TENM2: variants seen among roughly 807,000 people sequenced by gnomAD.
TENM2 encodes the protein teneurin-2.
A neutral mutation model predicts 245.2 loss-of-function variants in TENM2; 52 were observed. The observed-to-expected ratio is 0.21, with a 90% CI of 0.17 to 0.27. TENM2 has a LOEUF of 0.27. TENM2 is among the 10% of genes least tolerant of loss of function. The pLI is 1.00. For missense variants in TENM2, 3,046 were observed against 3,666.8 expected (o/e 0.83, Z 4.37); for synonymous variants, 1,363 against 1,438.9 (o/e 0.95, Z 1.19).
At chr5:168,190,798 C>A (rs192707823) in intron 14 of TENM2, 19 of 356,784 alleles carry the variant, frequency 5.3e-5, no homozygotes, top group Non-Finnish European at 8.5e-5. Context: ...CCTGTTGATT[C>A]CCTGGTTTTT....
chr5:167,584,649 C>G (rs936302654), intron 2 of TENM2, among the ~76,000 whole-genome samples: 4 of 152,032 alleles, frequency 2.6e-5, no homozygotes, highest in Non-Finnish European at 5.9e-5. Flanking sequence ...GATTCCCTAC[C>G]CCTCCAGACC....
intron 2 of TENM2, among the ~76,000 whole-genome samples, chr5:167,633,599 G>C (rs1779009856): frequency 6.6e-6 from 1 of 152,108 alleles, no homozygotes; most frequent in African/African-American, 2.4e-5. Flanking sequence ...TTAGCTTAAG[G>C]GATCTTTCTA....
In TENM2 at chr5:167,790,772, T is replaced by C. The variant is rs1764901122; in HGVS notation, c.503-85214T>C. ...ACTCCTTTCTCTAACCTTCTCCGCA[T>C]AGGATCCCTGCAAAGACCTTTGCCC... is the stretch of plus-strand genomic sequence containing the variant. On this transcript the variant is annotated intron_variant, in intron 2 of 28. Transcript: ENST00000518659. 3.3e-5 allele frequency among the ~76,000 whole-genome samples: 5 copies of C among 152,186 alleles called. No individual in the cohort carries two copies. In the South Asian group the frequency reaches 1.0e-3, roughly 31 times the overall value.
the TENM2 span, among the ~76,000 whole-genome samples, chr5:167,093,972 T>C: frequency 6.6e-6 from 1 of 152,188 alleles, no homozygotes. Flanking sequence ...CTCCGCCATC[T>C]TTCTAGGAGT....
intron 2 of TENM2, among the ~76,000 whole-genome samples, chr5:167,488,988 A>G (rs1768261359): frequency 6.6e-6 from 1 of 152,012 alleles, no homozygotes; most frequent in South Asian, 2.1e-4. Context: ...TCTCTCCGTT[A>G]TTATGTTTTA....
In TENM2 at chr5:168,173,409, C is replaced by T. The variant is rs1759034688; in HGVS notation, c.2569+10652C>T. On this transcript the variant is annotated intron_variant, in intron 13 of 28. Coordinates refer to ENST00000518659, the Ensembl canonical transcript of TENM2. ...GGGTGCCTGCCACTACTGGTTGGAG[C>T]CAAGATCTATTTCAGACCTGGGACC... Among the ~76,000 whole-genome samples the T allele has an allele frequency of 2.0e-5, 3 of 152,250 alleles. No homozygotes were observed. In the South Asian group the frequency reaches 6.2e-4, roughly 32 times the overall value.
At chr5:167,221,656 A>T in the TENM2 span, among the ~76,000 whole-genome samples, 1 of 152,228 alleles carries the variant, frequency 6.6e-6, no homozygotes, top group African/African-American at 2.4e-5. Flanking sequence ...TTTAGCAAGG[A>T]TGCTAAGCAA....
chr5:167,542,556 C>T (rs986214449), intron 2 of TENM2, among the ~76,000 whole-genome samples: 2 of 152,096 alleles, frequency 1.3e-5, no homozygotes, highest in Non-Finnish European at 2.9e-5. Flanking sequence ...TCGTATCTAC[C>T]TTTAAATGTG....
chr5:168,012,508 T>A (rs1230647062), intron 5 of TENM2, among the ~76,000 whole-genome samples: 2 of 151,384 alleles, frequency 1.3e-5, no homozygotes, highest in East Asian at 1.9e-4. Flanking sequence ...ATTAGCCAGG[T>A]GTGGTGGTGC....
intron 2 of TENM2, among the ~76,000 whole-genome samples, chr5:167,391,099 A>C (rs532383147): frequency 3.3e-5 from 5 of 152,240 alleles, no homozygotes; most frequent in Admixed American, 3.3e-4. Flanking sequence ...ATTATCAAAG[A>C]ATTATCTAAG....
At chr5:168,195,066 G>A (rs1761291566) in intron 14 of TENM2, 110 bp from the exon 17 acceptor site, 1 of 1,284,682 alleles carries the variant, frequency 7.8e-7, no homozygotes, top group Non-Finnish European at 1.1e-6. Context: ...AATGTTGAAA[G>A]CCTTCTCCTT....
chr5:167,400,526 C>G (rs1762303256), intron 2 of TENM2, among the ~76,000 whole-genome samples: 1 of 151,988 alleles, frequency 6.6e-6, no homozygotes, highest in African/African-American at 2.4e-5. Context: ...GAAATAGGCA[C>G]TTGGAAATGT....
chr5:167,042,449 C>G, the TENM2 span, among the ~76,000 whole-genome samples: 2 of 152,266 alleles, frequency 1.3e-5, no homozygotes, highest in South Asian at 4.2e-4. Context: ...GAACTATGTT[C>G]TTTCTTCAAT....
chr5:166,993,490 T>C, the TENM2 span, among the ~76,000 whole-genome samples: 4 of 152,144 alleles, frequency 2.6e-5, no homozygotes, highest in African/African-American at 7.2e-5. Flanking sequence ...AGGACCCAAC[T>C]GTCAGCAGAG....
chr5:168,138,506 G>C (rs1246746036), intron 12 of TENM2, among the ~76,000 whole-genome samples: 2 of 152,224 alleles, frequency 1.3e-5, no homozygotes, highest in Non-Finnish European at 2.9e-5. Context: ...TCCAGAAAGA[G>C]AAGCCAAGGG....
the TENM2 span, among the ~76,000 whole-genome samples, chr5:167,141,717 A>C: frequency 6.6e-6 from 1 of 152,160 alleles, no homozygotes. Context: ...TATGAATGCT[A>C]ATAATATACT....
At chr5:168,177,672 AC>A (rs1014193846) in intron 13 of TENM2, among the ~76,000 whole-genome samples, 7 of 152,308 alleles carry the variant, frequency 4.6e-5, no homozygotes, top group African/African-American at 1.7e-4. Context: ...CCTTGTCTCT[AC>A]AAAAAATTAA....
intron 20 of TENM2, among the ~76,000 whole-genome samples, 159 bp downstream of exon 22, chr5:168,211,913 G>C (rs144685016): frequency 6.6e-6 from 1 of 152,208 alleles, no homozygotes; most frequent in East Asian, 1.9e-4. Flanking sequence ...GATATGATAA[G>C]CTTTAGCAAT....
intron 1 of TENM2, among the ~76,000 whole-genome samples, chr5:167,362,921 GGT>G (rs574530741): frequency 2.6e-5 from 4 of 151,600 alleles, no homozygotes; most frequent in African/African-American, 4.8e-5. Flanking sequence ...TCGACTTATT[GGT>G]GTGTGTGTGT....
Sources: allele counts gnomAD v4.1 joint callset (sites outside exome capture counted in the v4.1 genomes callset), GRCh38; gene constraint gnomAD v4.1.1; transcripts MANE v1.5; gene names NCBI Gene and HGNC (gene_info 2026-07-23, HGNC 2026-07-21).